SRGAP2C: variants seen among roughly 807,000 people sequenced by gnomAD.
SRGAP2C encodes SLIT-ROBO Rho GTPase-activating protein 2C.
A neutral mutation model predicts 25.1 loss-of-function variants in SRGAP2C; 15 were observed. The observed-to-expected ratio is 0.60, with a 90% CI of 0.40 to 0.92. The LOEUF (loss-of-function observed/expected upper bound fraction) is 0.92, where lower values mean the gene tolerates loss of function less well. SRGAP2C is among the 40% of genes least tolerant of loss of function. The pLI, the probability that SRGAP2C is intolerant of heterozygous loss-of-function variation, is 0.00. For synonymous variants in SRGAP2C, 44 were observed against 96.6 expected (o/e 0.46, Z 3.19); for missense variants, 144 against 264.4 (o/e 0.54, Z 3.16).
In SRGAP2C at chr1:121,300,230, G is replaced by C. The variant is rs1226754414; in HGVS notation, c.260+15235G>C. Among the ~76,000 whole-genome samples the C allele has an allele frequency of 3.5e-5, 3 of 85,232 alleles. 1 individual carries two copies. The highest frequency in any genetic ancestry group is 7.4e-5 in the Non-Finnish European group (3 of 40,530). 55.9% of individuals were successfully genotyped at this position (85,232 alleles called of 152,430 possible). A position where few individuals can be genotyped will look rare whatever the true frequency, so the allele number is the denominator to read the frequency against. On this transcript the variant is annotated intron_variant, in intron 3 of 9. Transcript: ENST00000367123. ...GGTAATTTCTACAGAAAAAAGGTTT[G>C]ATTGGCTCATGGTTCTGCAGGCTGT...
chr1:121,188,114 C>A (rs1654568808), intron 2 of SRGAP2C, among the ~76,000 whole-genome samples: 2 of 152,182 alleles, frequency 1.3e-5, no homozygotes, highest in Admixed American at 1.3e-4. Context: ...AATAAGGCCA[C>A]CCACACCCGG....
At chr1:121,329,512 G>T (rs1442425833) in intron 4 of SRGAP2C, among the ~76,000 whole-genome samples, 1 of 140,262 alleles carries the variant, frequency 7.1e-6, no homozygotes, top group African/African-American at 2.7e-5. Flanking sequence ...GCTGGAAGTT[G>T]GGAATGAAAT....
chr1:121,315,246 C>A (rs1379829980), intron 3 of SRGAP2C, among the ~76,000 whole-genome samples: 1 of 152,044 alleles, frequency 6.6e-6, no homozygotes, highest in Non-Finnish European at 1.5e-5. Context: ...TGGGCTCACG[C>A]GATCTTCCCA....
At chr1:121,239,862 C>G (rs587638084) in intron 2 of SRGAP2C, among the ~76,000 whole-genome samples, 578 of 152,364 alleles carry the variant, frequency 3.8e-3, no homozygotes, top group Non-Finnish European at 6.3e-3. Context: ...AAAGAGTTTA[C>G]TATCCCTGAA....
At chr1:121,361,644 A>C (rs1659194001) in intron 4 of SRGAP2C, 3 of 149,094 alleles carry the variant, frequency 2.0e-5, no homozygotes, top group Non-Finnish European at 4.5e-5. Context: ...CCAGTGAAGC[A>C]CTCTGGCCAA....
At chr1:121,322,909 G>A in intron 3 of SRGAP2C, among the ~76,000 whole-genome samples, 1 of 152,174 alleles carries the variant, frequency 6.6e-6, no homozygotes, top group East Asian at 1.9e-4. Context: ...GTAGGAGTCT[G>A]ACTGGAGCGG....
intron 2 of SRGAP2C, among the ~76,000 whole-genome samples, chr1:121,206,276 T>G (rs1376941838): frequency 3.3e-5 from 5 of 152,090 alleles, no homozygotes; most frequent in Admixed American, 3.3e-4. Flanking sequence ...GGGCAGCCTG[T>G]CATTTCAACA....
At chr1:121,201,029 C>CTTTT (rs200543551) in intron 2 of SRGAP2C, among the ~76,000 whole-genome samples, 1 of 115,544 alleles carries the variant, frequency 8.7e-6, no homozygotes, top group African/African-American at 3.4e-5. Context: ...AAGGTTTCAT[C>CTTTT]TTTTTTTTTT....
chr1:121,223,048 A>G (rs1303505993), intron 2 of SRGAP2C, among the ~76,000 whole-genome samples: 1 of 152,082 alleles, frequency 6.6e-6, no homozygotes, highest in Admixed American at 6.6e-5. Context: ...ATTCATTAAG[A>G]TAAAGACTTC....
intron 2 of SRGAP2C, among the ~76,000 whole-genome samples, chr1:121,266,164 G>A (rs1157004991): frequency 1.3e-5 from 2 of 150,492 alleles, no homozygotes; most frequent in East Asian, 3.9e-4. Context: ...TTGTAGAGAT[G>A]GGGTTTCGCC....
chr1:121,347,876 G>T (rs1658790608), intron 4 of SRGAP2C, among the ~76,000 whole-genome samples: 1 of 148,830 alleles, frequency 6.7e-6, no homozygotes, highest in South Asian at 2.2e-4. Context: ...ATCATGGGGA[G>T]AGGACAGCCT....
At chr1:121,367,856 C>T (rs1186518017) in intron 5 of SRGAP2C, among the ~76,000 whole-genome samples, 1 of 142,202 alleles carries the variant, frequency 7.0e-6, no homozygotes, top group Non-Finnish European at 1.5e-5. Flanking sequence ...AGGCAGATCA[C>T]GAGGTCAGGA....
At chr1:121,374,663 G>A (rs1553352490) in intron 6 of SRGAP2C, among the ~76,000 whole-genome samples, 163 bp from the exon 7 acceptor site, 1 of 152,040 alleles carries the variant, frequency 6.6e-6, no homozygotes, top group Non-Finnish European at 1.5e-5. Context: ...TCTACATTGT[G>A]CCCTTGAATC....
chr1:121,213,050 T>A (rs1218723572), intron 2 of SRGAP2C, among the ~76,000 whole-genome samples: 1 of 148,280 alleles, frequency 6.7e-6, no homozygotes, highest in Non-Finnish European at 1.5e-5. Flanking sequence ...TCTAATTTTT[T>A]TTTTTTTTTT....
At chr1:121,313,786 G>A (rs1368314951) in intron 3 of SRGAP2C, among the ~76,000 whole-genome samples, 64 of 121,074 alleles carry the variant, frequency 5.3e-4, no homozygotes, top group African/African-American at 1.3e-3. Flanking sequence ...GGTTTCTGCC[G>A]AGAGATCCAC....
In SRGAP2C at chr1:121,255,374, G is replaced by T. The variant is rs1254502224; in HGVS notation, c.68-29429G>T. ...TTCTACAATGGGATATTGGTCTTGG[G>T]AGTGTAGACGTTGTGGGACCAGGAG... On this transcript the variant is annotated intron_variant, in intron 2 of 9. Coordinates refer to ENST00000367123, the MANE Select transcript of SRGAP2C (RefSeq NM_001329984.2). 1.5e-4 allele frequency among the ~76,000 whole-genome samples: 23 copies of T among 151,968 alleles called. 1 individual carries two copies. The highest frequency in any genetic ancestry group is 5.5e-4 in the African/African-American group (23 of 41,500).
chr1:121,230,954 A>G (rs1427867460), intron 2 of SRGAP2C, among the ~76,000 whole-genome samples: 1 of 140,894 alleles, frequency 7.1e-6, no homozygotes, highest in Non-Finnish European at 1.5e-5. Flanking sequence ...CAAACACCGC[A>G]TGTTCTCACT....
chr1:121,260,437 T>A (rs1381816791), intron 2 of SRGAP2C, among the ~76,000 whole-genome samples: 5 of 151,826 alleles, frequency 3.3e-5, no homozygotes, highest in Non-Finnish European at 5.9e-5. Flanking sequence ...TACTAGGAGA[T>A]GAGGTCAGAG....
intron 3 of SRGAP2C, among the ~76,000 whole-genome samples, chr1:121,289,601 G>GAC: frequency 9.5e-6 from 1 of 105,140 alleles, no homozygotes; most frequent in Non-Finnish European, 1.9e-5. Flanking sequence ...ACCAAAGTGG[G>GAC]AGCCCAGGCA....
Sources: gnomAD v4.1 joint callset for allele counts (sites outside exome capture counted in the v4.1 genomes callset) on GRCh38, gnomAD v4.1.1 for gene constraint, MANE v1.5 for transcripts, NCBI Gene and HGNC (gene_info 2026-07-23, HGNC 2026-07-21) for gene names.